The following CDH2 variants were observed in gnomAD, a reference collection of about 807,000 sequenced individuals.
CDH2 encodes cadherin 2.
CDH2 carries 17 observed loss-of-function variants against 92.0 expected under a neutral mutation model. The ratio of observed to expected loss-of-function variants is 0.18; its 90% CI spans 0.13 to 0.28. The LOEUF is 0.28. Among genes scored for constraint, CDH2 ranks in the 10% least tolerant of loss-of-function variants. The pLI, the probability that CDH2 is intolerant of heterozygous loss-of-function variation, is 1.00. For missense variants in CDH2, 862 were observed against 1,133.1 expected (o/e 0.76, Z 3.44); for synonymous variants, 419 against 415.9 (o/e 1.01, Z -0.09).
At chr18:28,050,561 G>A (rs1340266142) in intron 2 of CDH2, among the ~76,000 whole-genome samples, 1 of 152,178 alleles carries the variant, frequency 6.6e-6, no homozygotes, top group African/African-American at 2.4e-5. Context: ...CTAATGGGCT[G>A]CAGTTCTAGG....
intron 2 of CDH2, among the ~76,000 whole-genome samples, chr18:28,044,849 T>TTGTG (rs1371790270): frequency 5.9e-5 from 5 of 84,578 alleles, no homozygotes; most frequent in Non-Finnish European, 1.0e-4. Context: ...ATATATAACA[T>TTGTG]CGTGTGTGTG....
chr18:28,093,106 ATGC>A (rs1481155664), intron 2 of CDH2, among the ~76,000 whole-genome samples: 6 of 152,284 alleles, frequency 3.9e-5, no homozygotes, highest in Non-Finnish European at 4.4e-5. Flanking sequence ...GATTGAAACA[ATGC>A]TACTACTCAT....
intron 5 of CDH2, among the ~76,000 whole-genome samples, chr18:28,007,491 T>C (rs1166156557): frequency 1.3e-5 from 2 of 151,788 alleles, no homozygotes; most frequent in African/African-American, 4.9e-5. Flanking sequence ...CTTCAACATA[T>C]CCTTTTTTAA....
chr18:28,014,587 A>G (rs890378759), intron 2 of CDH2, among the ~76,000 whole-genome samples: 1 of 152,182 alleles, frequency 6.6e-6, no homozygotes, highest in Admixed American at 6.5e-5. Flanking sequence ...ACTTCCATTA[A>G]GCAGTAACAT....
chr18:28,059,078 T>A (rs2014351463), intron 2 of CDH2, among the ~76,000 whole-genome samples: 1 of 152,232 alleles, frequency 6.6e-6, no homozygotes, highest in Admixed American at 6.5e-5. Flanking sequence ...ATTATCCTCC[T>A]GAGAGTCATA....
At chr18:27,961,133 A>C (rs902513682) in intron 15 of CDH2, among the ~76,000 whole-genome samples, 4 of 151,988 alleles carry the variant, frequency 2.6e-5, no homozygotes, top group Non-Finnish European at 5.9e-5. Context: ...GTAGGATGAA[A>C]GGCTCTAGAC....
At chr18:28,104,765 T>A (rs1246506356) in intron 2 of CDH2, among the ~76,000 whole-genome samples, 1 of 151,956 alleles carries the variant, frequency 6.6e-6, no homozygotes, top group Non-Finnish European at 1.5e-5. Context: ...GATAGATATA[T>A]GTTCCATCTA....
At chr18:28,077,633 G>A (rs1207883387) in intron 2 of CDH2, among the ~76,000 whole-genome samples, 1 of 152,096 alleles carries the variant, frequency 6.6e-6, no homozygotes, top group Admixed American at 6.6e-5. Context: ...GCTCACGCCT[G>A]TAATCCCACC....
intron 1 of CDH2, among the ~76,000 whole-genome samples, chr18:28,156,422 A>ATGTCACCTTCCCAGGTACAGC (rs1568020376): frequency 8.4e-6 from 1 of 118,386 alleles, no homozygotes; most frequent in Non-Finnish European, 1.8e-5. Flanking sequence ...CCAGGTACAG[A>ATGTCACCTTCCCAGGTACAGC]ATGTCACCTT....
downstream of CDH2, among the ~76,000 whole-genome samples, chr18:27,946,016 A>C (rs529942191): frequency 5.3e-5 from 8 of 152,344 alleles, no homozygotes; most frequent in African/African-American, 1.9e-4. Flanking sequence ...TGGCTATATT[A>C]ATATGGAATA....
At chr18:28,148,018 T>C (rs1054313388) in intron 1 of CDH2, among the ~76,000 whole-genome samples, 3 of 152,166 alleles carry the variant, frequency 2.0e-5, no homozygotes, top group Non-Finnish European at 4.4e-5. Flanking sequence ...ATAATACACA[T>C]TCTAGGTTCT....
rs573074146 is a variant in CDH2 at position 28,023,005 on chromosome 18, C to T, written c.173-9096G>A. ...ATCTAAAGAGAGTAATATTTAAACACACAATGTATTTTTTTAATTAACTCT... is the reference window on the plus strand; with the variant it reads ...ATCTAAAGAGAGTAATATTTAAACATACAATGTATTTTTTTAATTAACTCT... On this transcript the variant is annotated intron_variant, in intron 2 of 15. Coordinates refer to ENST00000269141, the MANE Select transcript of CDH2 (RefSeq NM_001792.5). 7.2e-5 allele frequency among the ~76,000 whole-genome samples: 11 copies of T among 152,088 alleles called. No individual in the cohort carries two copies. The East Asian group carries it at 1.4e-3, about 19-fold the overall frequency.
chr18:27,990,703 T>C lies in CDH2; in HGVS notation c.1345-353A>G, dbSNP rs111414332. ...AATATAAAGTCAAGTGAGAACATGA[T>C]GGTCTAAATGTATACTCTCAAACAT... On this transcript the variant is annotated intron_variant, in intron 9 of 15. Coordinates refer to ENST00000269141, the MANE Select transcript of CDH2 (RefSeq NM_001792.5). Among the ~76,000 whole-genome samples the C allele has an allele frequency of 2.5e-3, 375 of 152,320 alleles. 6 individuals carry two copies. The highest frequency in any genetic ancestry group is 8.4e-3 in the African/African-American group (351 of 41,574).
chr18:27,981,516 A>T (rs1368264076), intron 14 of CDH2, among the ~76,000 whole-genome samples: 1 of 152,192 alleles, frequency 6.6e-6, no homozygotes, highest in Non-Finnish European at 1.5e-5. Flanking sequence ...ATTGTAAACC[A>T]AGCATGGAAC....
At chr18:27,996,257 T>G (rs2012577785) in intron 7 of CDH2, among the ~76,000 whole-genome samples, 1 of 152,158 alleles carries the variant, frequency 6.6e-6, no homozygotes, top group East Asian at 1.9e-4. Context: ...CTCCTCTGCC[T>G]AGACAAGTGG....
intron 14 of CDH2, among the ~76,000 whole-genome samples, chr18:27,974,492 G>T (rs7240351): frequency 6.6e-6 from 1 of 151,978 alleles, no homozygotes; most frequent in Admixed American, 6.5e-5. Flanking sequence ...CATGGACTAC[G>T]TGTGAACAGA....
intron 14 of CDH2, among the ~76,000 whole-genome samples, chr18:27,967,461 A>G (rs1263067386): frequency 1.3e-5 from 2 of 152,212 alleles, no homozygotes; most frequent in Non-Finnish European, 2.9e-5. Flanking sequence ...AATCTTCTCA[A>G]CGTCATTGGG....
chr18:28,039,394 G>C (rs1303365787), intron 2 of CDH2, among the ~76,000 whole-genome samples: 2 of 152,024 alleles, frequency 1.3e-5, no homozygotes, highest in Non-Finnish European at 2.9e-5. Context: ...TTGGGAGACT[G>C]GTATTGATAT....
chr18:28,050,818 A>G (rs1356447637), intron 2 of CDH2, among the ~76,000 whole-genome samples: 2 of 152,204 alleles, frequency 1.3e-5, no homozygotes, highest in Non-Finnish European at 2.9e-5. Flanking sequence ...GGAGAAGTAC[A>G]GCCTAGAAAA....
Sources: allele counts gnomAD v4.1 joint callset (sites outside exome capture counted in the v4.1 genomes callset), GRCh38; gene constraint gnomAD v4.1.1; transcripts MANE v1.5; gene names NCBI Gene and HGNC (gene_info 2026-07-23, HGNC 2026-07-21).